Variants in PTCH1 observed in about 807,000 individuals in gnomAD.
The protein encoded by PTCH1 is patched 1.
Under a neutral mutation model 144.6 loss-of-function variants are expected in PTCH1, and 14 were observed. That is an observed-to-expected ratio of 0.10 (90% CI 0.06 to 0.15). PTCH1 has a LOEUF of 0.15. PTCH1 is among the 10% of genes least tolerant of loss of function. PTCH1 has a pLI of 1.00. For synonymous variants in PTCH1, 833 were observed against 793.6 expected (o/e 1.05, Z -0.83); for missense variants, 1,623 against 1,948.3 (o/e 0.83, Z 3.14).
At chr9:95,503,640 GACAA>G (rs758850309) in intron 2 of PTCH1, among the ~76,000 whole-genome samples, 3 of 152,108 alleles carry the variant, frequency 2.0e-5, no homozygotes, top group Non-Finnish European at 4.4e-5. Context: ...TAGACCTGGA[GACAA>G]ACAGACAACC....
intron 19 of PTCH1, 63 bp downstream of exon 19, chr9:95,456,213 A>G (rs2136646057): frequency 6.2e-7 from 1 of 1,603,794 alleles, no homozygotes; most frequent in Non-Finnish European, 8.5e-7. Flanking sequence ...ACTTGGAGAC[A>G]AACAGAGCCA....
intron 2 of PTCH1, chr9:95,494,935 T>C (rs1481907184): frequency 6.6e-6 from 1 of 152,368 alleles, no homozygotes; most frequent in Non-Finnish European, 1.5e-5. Context: ...AACAGTCTTC[T>C]TGCCATTATC....
At chr9:95,472,321 C>A (rs980374064) in intron 12 of PTCH1, among the ~76,000 whole-genome samples, 1 of 152,128 alleles carries the variant, frequency 6.6e-6, no homozygotes, top group East Asian at 1.9e-4. Context: ...TAAATCAGAT[C>A]AAACAAAGAC....
intron 2 of PTCH1, 121 bp downstream of exon 2, chr9:95,506,286 G>T (rs1298971763): frequency 5.4e-5 from 62 of 1,157,274 alleles, no homozygotes; most frequent in Non-Finnish European, 7.5e-5. Context: ...ACAATCCCCC[G>T]GGTGCGGGCA....
intron 7 of PTCH1, among the ~76,000 whole-genome samples, chr9:95,479,566 G>A (rs1451514098): frequency 6.6e-6 from 1 of 152,162 alleles, no homozygotes; most frequent in Non-Finnish European, 1.5e-5. Flanking sequence ...GTCCACAAGT[G>A]CACAAAGGAT....
intron 16 of PTCH1, among the ~76,000 whole-genome samples, chr9:95,460,535 G>A (rs751817102): frequency 6.6e-6 from 1 of 152,104 alleles, no homozygotes; most frequent in Non-Finnish European, 1.5e-5. Flanking sequence ...CTCGCTTTGG[G>A]TCTTTTTTAA....
At chr9:95,460,285 C>A (rs1057488645) in intron 16 of PTCH1, among the ~76,000 whole-genome samples, 1 of 152,080 alleles carries the variant, frequency 6.6e-6, no homozygotes, top group African/African-American at 2.4e-5. Context: ...CAAAAAATGC[C>A]CAGCGCCAGA....
At position 95,506,114 on chromosome 9, in the gene PTCH1, G is replaced by A. The variant is rs370727606; in HGVS notation, c.394+293C>T. ...CAGCGGCAGCGGCGGCGGGCCCGGG[G>A]CCCCCGGCGCGCAGAGTGGTCCGTC... On this transcript the variant is annotated intron_variant, in intron 2 of 23. Transcript: ENST00000331920. The A allele has an allele frequency of 8.2e-3, 1,323 of 160,476 alleles. 20 individuals are homozygous for A. Among genetic ancestry groups the A allele is most frequent in the East Asian group, 0.021 (127 of 6,022 alleles). 9.9% of individuals were successfully genotyped at this position (160,476 alleles called of 1,614,324 possible). A position where few individuals can be genotyped will look rare whatever the true frequency, so the allele number is the denominator to read the frequency against.
rs151216961 is a variant in PTCH1 at position 95,468,997 on chromosome 9, G to A, written c.2004C>T (p.Tyr668=). Residue 668 remains tyrosine (Y), a synonymous_variant, in exon 14 of 24, where the codon TAC becomes TAT. Transcript: ENST00000331920. ...MQSTVQLRTE[Y]DPHTHVYYTT... ...TGTAGTACACGTGCGTGTGGGGGTC[G>A]TACTCCGTGCGGAGCTGGACAGTGG... The A allele has an allele frequency of 4.7e-4, 762 of 1,614,024 alleles. 3 individuals are homozygous for A. The highest frequency in any genetic ancestry group is 3.3e-3 in the Middle Eastern group (20 of 6,062).
At chr9:95,515,567 C>T (rs1020640844) in intron 1 of PTCH1, among the ~76,000 whole-genome samples, 7 of 152,168 alleles carry the variant, frequency 4.6e-5, no homozygotes, top group African/African-American at 1.7e-4. Flanking sequence ...CGCATGTCAC[C>T]CAGAGGCACA....
In PTCH1 at chr9:95,480,520, T is replaced by C. The variant is rs771286385; in HGVS notation, c.815A>G (p.Asn272Ser). Residue 272 changes from asparagine to serine, a missense_variant, in exon 6 of 24, where the codon AAC becomes AGC. Asn to Ser is a conservative substitution (Grantham distance 46, BLOSUM62 1). This residue lies in a region of PTCH1 where 230 missense variants were observed against 271.0 expected (regional missense o/e 0.85). Transcript: ENST00000331920. ...LEFLEELKKI[N>S]YQVDSWEEML... ...TTCCTCCCAGCTGTCCACTTGATAGTTTATTTTCTTTAACTCTTCCAGGAA... is the reference window on the plus strand; with the variant it reads ...TTCCTCCCAGCTGTCCACTTGATAGCTTATTTTCTTTAACTCTTCCAGGAA... 1 of 1,613,524 alleles carries C rather than the reference T, an allele frequency of 6.2e-7. No homozygotes were observed. The highest frequency in any genetic ancestry group is 8.5e-7 in the Non-Finnish European group (1 of 1,179,938).
rs1268354538 is a variant in PTCH1, at chr9:95,508,843, G to A, written c.-482C>T. 2.7e-5 allele frequency: 27 copies of A among 983,050 alleles called. No individual in the cohort carries two copies. Among genetic ancestry groups the A allele is most frequent in the Non-Finnish European group, 3.1e-5 (26 of 829,170 alleles). The allele number at this position is 983,050 out of a possible 1,614,324, so 60.9% of individuals were successfully genotyped here. A position where few individuals can be genotyped will look rare whatever the true frequency, so the allele number is the denominator to read the frequency against. Reference sequence around the variant, plus strand: ...CGCGCTGGCTCTCTCGGCGCCTCCCGGGTCGCCCGAGCGGCCGCGGAGGGC... The same window carrying A: ...CGCGCTGGCTCTCTCGGCGCCTCCCAGGTCGCCCGAGCGGCCGCGGAGGGC... On this transcript the variant is annotated 5_prime_UTR_variant, in exon 1 of 24. Transcript: ENST00000331920.
intron 20 of PTCH1, chr9:95,451,745 A>G (rs1353331937): frequency 6.6e-6 from 1 of 152,256 alleles, no homozygotes; most frequent in East Asian, 1.9e-4. Context: ...GAAAGTAAAT[A>G]TGCAAAAGAA....
At chr9:95,493,999 T>C (rs1842619715) in intron 2 of PTCH1, among the ~76,000 whole-genome samples, 1 of 152,140 alleles carries the variant, frequency 6.6e-6, no homozygotes, top group African/African-American at 2.4e-5. Context: ...AAAGAGAATG[T>C]GCCTTCATGA....
chr9:95,501,199 C>T (rs1843127470), intron 2 of PTCH1, among the ~76,000 whole-genome samples: 1 of 152,030 alleles, frequency 6.6e-6, no homozygotes, highest in Admixed American at 6.6e-5. Context: ...TTGGGACACC[C>T]TCTCCCCCAG....
At chr9:95,507,811 C>A (rs2118900909) in intron 1 of PTCH1, 1 of 548,962 alleles carries the variant, frequency 1.8e-6, no homozygotes, top group Non-Finnish European at 2.5e-6. Context: ...GCAGGGGGCA[C>A]GGGGCAGGAC....
chr9:95,498,526 C>A (rs977059478), intron 2 of PTCH1, among the ~76,000 whole-genome samples: 5 of 152,144 alleles, frequency 3.3e-5, no homozygotes, highest in African/African-American at 1.2e-4. Context: ...AAGGATGGGG[C>A]GCATCTTCCT....
At chr9:95,511,160 G>C (rs1587705757), upstream of PTCH1, among the ~76,000 whole-genome samples, 16 of 150,064 alleles carry the variant, frequency 1.1e-4, no homozygotes, top group South Asian at 3.3e-3. Context: ...GGGCTGCGGC[G>C]GGGCGCGCCG....
rs776286129 is a variant in PTCH1, at chr9:95,468,985, C to T, written c.2016G>A (p.Thr672=). ...VQLRTEYDPH[T]HVYYTTAEPR... ...GCTCAGCGGTGGTGTAGTACACGTG[C>T]GTGTGGGGGTCGTACTCCGTGCGGA... The change falls in exon 14 of 24, where the codon ACG becomes ACA. Residue 672 remains threonine, a synonymous_variant. Coordinates refer to ENST00000331920, the MANE Select transcript of PTCH1 (RefSeq NM_000264.5). 44 of 1,613,742 alleles carry T rather than the reference C, an allele frequency of 2.7e-5. No homozygotes were observed. The highest frequency in any genetic ancestry group is 3.6e-5 in the Non-Finnish European group (42 of 1,180,018).
Sources: gnomAD v4.1 joint callset for allele counts (sites outside exome capture counted in the v4.1 genomes callset) on GRCh38, gnomAD v4.1.1 for gene constraint, gnomAD v4.1.1 regional missense constraint, MANE v1.5 for transcripts, NCBI Gene and HGNC (gene_info 2026-07-23, HGNC 2026-07-21) for gene names.